PARP12: variants seen among roughly 807,000 people sequenced by gnomAD.
PARP12 encodes the protein protein mono-ADP-ribosyltransferase PARP12.
PARP12 carries 59 observed loss-of-function variants against 72.4 expected under a neutral mutation model. The observed-to-expected ratio is 0.81, with a 90% CI of 0.66 to 1.01. PARP12 has a LOEUF of 1.01. PARP12 is among the 50% of genes least tolerant of loss of function. PARP12 has a pLI of 0.00. For synonymous variants in PARP12, 403 were observed against 371.4 expected, an observed-to-expected ratio of 1.09 and a Z score of -0.98; for missense variants, 851 against 914.0, an observed-to-expected ratio of 0.93 and a Z score of 0.89.
chr7:140,026,379 C>A (rs932159065), intron 10 of PARP12, 31 bp from the exon 11 acceptor site: 1 of 1,590,218 alleles, frequency 6.3e-7, no homozygotes, highest in Non-Finnish European at 8.5e-7. Context: ...GTGCTGGGGG[C>A]AGAGTGTGCC....
At chr7:140,045,699 G>C (rs1382597409) in intron 5 of PARP12, among the ~76,000 whole-genome samples, 1 of 152,118 alleles carries the variant, frequency 6.6e-6, no homozygotes, top group Non-Finnish European at 1.5e-5. Flanking sequence ...AAAACCAAGT[G>C]AGGAAAAAAA....
At chr7:140,048,194 A>G (rs549322221) in intron 4 of PARP12, among the ~76,000 whole-genome samples, 4 of 152,144 alleles carry the variant, frequency 2.6e-5, no homozygotes, top group South Asian at 2.1e-4. Flanking sequence ...GGCTAACAAC[A>G]TGCTCACTCC....
chr7:140,026,680 C>G (rs1278760556), intron 10 of PARP12, among the ~76,000 whole-genome samples: 1 of 152,158 alleles, frequency 6.6e-6, no homozygotes, highest in Non-Finnish European at 1.5e-5. Context: ...GAGCTGAGCC[C>G]TGGGATGCTG....
intron 7 of PARP12, among the ~76,000 whole-genome samples, chr7:140,036,822 T>TA (rs56723067): frequency 0.084 from 12,430 of 147,960 alleles, 802 homozygotes; most frequent in African/African-American, 0.19. Context: ...AATTAAAACT[T>TA]AAAAAAAAAA....
chr7:140,024,854 G>A lies in PARP12; in HGVS notation c.1812C>T (p.Ser604=), dbSNP rs752598389. The A allele has an allele frequency of 1.2e-6, 2 of 1,613,788 alleles. No individual in the cohort carries two copies. Among genetic ancestry groups the A allele is most frequent in the Middle Eastern group, 1.7e-4 (1 of 6,060 alleles). The change falls in exon 12 of 12, where the codon TCC becomes TCT. Residue 604 remains serine, a synonymous_variant. Transcript: ENST00000263549. ...GCGTGTCGGATTTGCTGTAGTGGTG[G>A]GAATATGCAGCATCTCGGGCAAAGT... The part of the protein sequence containing the change: ...GSYFARDAAY[S]HHYSKSDTQT...
At chr7:140,026,108 G>A (rs1815727530) in intron 11 of PARP12, 89 bp downstream of exon 11, 14 of 1,593,056 alleles carry the variant, frequency 8.8e-6, no homozygotes, top group Non-Finnish European at 1.2e-5. Context: ...CATCAGCTCA[G>A]GCTGGTCCCC....
intron 7 of PARP12, among the ~76,000 whole-genome samples, chr7:140,035,353 T>C (rs1816106683): frequency 6.6e-6 from 1 of 152,208 alleles, no homozygotes; most frequent in African/African-American, 2.4e-5. Flanking sequence ...CTACTGGCCA[T>C]CTGTGATGAA....
chr7:140,054,758 T>C lies in PARP12; in HGVS notation c.766A>G (p.Lys256Glu), dbSNP rs780283876. ...LFVPQGTSER[K>E]DSSGSVSPNT... ...GGGGACACAGAACCTGAACTGTCTT[T>C]TCTTTCTGCAAAGAAACACCACAAA... is the stretch of plus-strand genomic sequence containing the variant. Residue 256 changes from lysine to glutamate, a missense_variant, in exon 4 of 12, where the codon AAA (lysine) becomes GAA (glutamate). Physicochemically the swap from Lys to Glu is moderately conservative, Grantham distance 56. This residue lies in a region of PARP12 where 492 missense variants were observed against 489.3 expected (regional missense o/e 1.01). Coordinates refer to ENST00000263549, the MANE Select transcript of PARP12 (RefSeq NM_022750.4). The C allele has an allele frequency of 1.9e-6, 3 of 1,611,214 alleles. No individual in the cohort carries two copies. In the South Asian group the frequency reaches 3.3e-5, roughly 18 times the overall value.
At chr7:140,042,243 C>A (rs951685292) in intron 5 of PARP12, among the ~76,000 whole-genome samples, 3 of 152,232 alleles carry the variant, frequency 2.0e-5, no homozygotes, top group Non-Finnish European at 4.4e-5. Context: ...ATGACATTTT[C>A]ACAACCCTAT....
intron 2 of PARP12, chr7:140,057,421 T>C: frequency 2.0e-6 from 1 of 509,784 alleles, no homozygotes; most frequent in South Asian, 2.7e-5. Flanking sequence ...GAGCTGCTCC[T>C]TTCACATGAG....
rs1219819358 is a variant in PARP12 at position 140,062,498 on chromosome 7, G to A, written c.326+24C>T. 8 of 1,522,214 alleles carry A rather than the reference G, an allele frequency of 5.3e-6. No individual in the cohort carries two copies. The South Asian group carries it at 9.6e-5, about 18-fold the overall frequency. 94.3% of individuals were successfully genotyped at this position (1,522,214 alleles called of 1,614,324 possible). On this transcript the variant is annotated intron_variant, in intron 1 of 11. Coordinates refer to ENST00000263549, the MANE Select transcript of PARP12 (RefSeq NM_022750.4). ...AGGGCGCGCAGGACCTCCGCCCGCC[G>A]TCGCTCCCGGCGCGGCGCCTTACCC...
At chr7:140,042,765 A>G (rs1312368112) in intron 5 of PARP12, among the ~76,000 whole-genome samples, 1 of 152,200 alleles carries the variant, frequency 6.6e-6, no homozygotes, top group Non-Finnish European at 1.5e-5. Flanking sequence ...GAACTCATAA[A>G]CCACTCAAGC....
intron 2 of PARP12, 137 bp downstream of exon 2, chr7:140,057,762 C>T (rs1817246921): frequency 1.6e-6 from 2 of 1,269,594 alleles, no homozygotes; most frequent in Non-Finnish European, 2.1e-6. Context: ...TTCTGCTCCA[C>T]ATTCCAAATT....
intron 8 of PARP12, among the ~76,000 whole-genome samples, chr7:140,032,270 C>CA (rs1479543139): frequency 2.0e-5 from 3 of 152,064 alleles, no homozygotes; most frequent in Admixed American, 1.3e-4. Flanking sequence ...CATAATGATT[C>CA]AAGCCCATGG....
chr7:140,061,385 G>GC (rs147298797), intron 1 of PARP12, among the ~76,000 whole-genome samples: 241 of 152,250 alleles, frequency 1.6e-3, no homozygotes, highest in African/African-American at 5.5e-3. Context: ...ATGGATCAAG[G>GC]CCCCCACCCC....
At chr7:140,031,578 G>A (rs536501004) in intron 8 of PARP12, among the ~76,000 whole-genome samples, 6 of 152,284 alleles carry the variant, frequency 3.9e-5, no homozygotes, top group African/African-American at 1.4e-4. Flanking sequence ...ACCAGCTGCT[G>A]GCACATGGGT....
intron 4 of PARP12, among the ~76,000 whole-genome samples, chr7:140,047,271 G>C (rs1816769897): frequency 6.6e-6 from 1 of 152,198 alleles, no homozygotes; most frequent in South Asian, 2.1e-4. Flanking sequence ...ATAGTATTGA[G>C]CGGTAAGGCC....
intron 5 of PARP12, among the ~76,000 whole-genome samples, chr7:140,042,999 T>C (rs900828227): frequency 6.6e-6 from 1 of 152,074 alleles, no homozygotes; most frequent in African/African-American, 2.4e-5. Flanking sequence ...ATCGAGACCA[T>C]CCTGGCTAAC....
At chr7:140,051,299 T>C (rs929529359) in intron 4 of PARP12, among the ~76,000 whole-genome samples, 13 of 152,152 alleles carry the variant, frequency 8.5e-5, no homozygotes, top group African/African-American at 3.1e-4. Flanking sequence ...AGTCCACCCA[T>C]AAAGAACCAA....
Sources: gnomAD v4.1 joint callset for allele counts (sites outside exome capture counted in the v4.1 genomes callset) on GRCh38, gnomAD v4.1.1 for gene constraint, gnomAD v4.1.1 regional missense constraint, MANE v1.5 for transcripts, NCBI Gene and HGNC (gene_info 2026-07-23, HGNC 2026-07-21) for gene names.